Variants in DYNC2H1 observed in about 807,000 individuals in gnomAD.
DYNC2H1 encodes dynein cytoplasmic 2 heavy chain 1, also known as cytoplasmic dynein 2 heavy chain 1.
A neutral mutation model predicts 570.0 loss-of-function variants in DYNC2H1; 410 were observed. That is an observed-to-expected ratio of 0.72 (90% CI 0.66 to 0.78). The LOEUF is 0.78. DYNC2H1 is among the 30% of genes least tolerant of loss of function. The pLI, the probability that DYNC2H1 is intolerant of heterozygous loss-of-function variation, is 0.00. For synonymous variants in DYNC2H1, 1,688 were observed against 1,677.6 expected, an observed-to-expected ratio of 1.01 and a Z score of -0.15; for missense variants, 4,865 against 5,046.4, an observed-to-expected ratio of 0.96 and a Z score of 1.09.
Position 103,191,600 on chromosome 11 carries a change from T to C in DYNC2H1, c.7521T>C (p.Phe2507=). The stretch of plus-strand genomic sequence containing the variant: ...TTACCCAATGGGTTCTTGGCTTATT[T>C]AGATATGATTTAGAAGGAGGTGAGT... The part of the protein sequence containing the change: ...CILTQWVLGL[F]RYDLEGGSSN... The change falls in exon 46 of 89, where the codon TTT becomes TTC. Residue 2507 remains phenylalanine, a synonymous_variant. Transcript: ENST00000375735. 6.2e-7 allele frequency: 1 copy of C among 1,607,760 alleles called. No individual in the cohort carries two copies. Among genetic ancestry groups the C allele is most frequent in the Non-Finnish European group, 8.5e-7 (1 of 1,176,712 alleles).
chr11:103,371,632 G>C (rs529504914), intron 83 of DYNC2H1, among the ~76,000 whole-genome samples: 1 of 152,158 alleles, frequency 6.6e-6, no homozygotes, highest in Non-Finnish European at 1.5e-5. Context: ...AGCCTTACAG[G>C]AGAGAGTGGC....
intron 83 of DYNC2H1, among the ~76,000 whole-genome samples, chr11:103,377,716 G>A (rs1201867892): frequency 1.3e-5 from 2 of 151,958 alleles, no homozygotes; most frequent in Admixed American, 1.3e-4. Flanking sequence ...AGAATTTGAA[G>A]TTACTTTTTA....
At chr11:103,253,190 C>T in intron 65 of DYNC2H1, 95 bp from the exon 66 acceptor site, 1 of 1,287,686 alleles carries the variant, frequency 7.8e-7, no homozygotes, top group Non-Finnish European at 1.0e-6. Context: ...GTCGAAAAGC[C>T]TATATTTAGA....
At chr11:103,274,136 A>G (rs76817195) in intron 70 of DYNC2H1, among the ~76,000 whole-genome samples, 41 of 123,052 alleles carry the variant, frequency 3.3e-4, no homozygotes, top group African/African-American at 9.9e-4. Context: ...GTGTGTGTGT[A>G]TATATATATA....
chr11:103,294,732 A>G (rs899243935), intron 75 of DYNC2H1, among the ~76,000 whole-genome samples: 1 of 151,270 alleles, frequency 6.6e-6, no homozygotes, highest in East Asian at 2.0e-4. Flanking sequence ...TGTGACCACT[A>G]CTGCTTGGCT....
At position 103,199,029 on chromosome 11, in the gene DYNC2H1, G is replaced by C. The variant is rs1245454441; in HGVS notation, c.7840-199G>C. ...ACGGACCCTTGAACTTGTTTGACATGAGTTTTTCCTTAGAGAATGCCAATA... is the reference window on the plus strand; with the variant it reads ...ACGGACCCTTGAACTTGTTTGACATCAGTTTTTCCTTAGAGAATGCCAATA... On this transcript the variant is annotated intron_variant, in intron 48 of 88. Coordinates refer to ENST00000375735, the MANE Select transcript of DYNC2H1 (RefSeq NM_001377.3). The surrounding 1 kb of genome is among the most constrained non-coding windows in gnomAD (Gnocchi z 4.6). Among the ~76,000 whole-genome samples, 1 of 152,134 alleles carries C rather than the reference G, an allele frequency of 6.6e-6. No homozygotes were observed. Among genetic ancestry groups the C allele is most frequent in the African/African-American group, 2.4e-5 (1 of 41,430 alleles).
At chr11:103,191,345 T>C (rs1862304394) in intron 45 of DYNC2H1, among the ~76,000 whole-genome samples, 172 bp from the exon 46 acceptor site, 1 of 152,132 alleles carries the variant, frequency 6.6e-6, no homozygotes, top group African/African-American at 2.4e-5. Flanking sequence ...GACCAGAATG[T>C]TTTTAAGTGC....
intron 83 of DYNC2H1, among the ~76,000 whole-genome samples, chr11:103,359,789 C>G (rs138157754): frequency 6.6e-6 from 1 of 151,798 alleles, no homozygotes; most frequent in African/African-American, 2.4e-5. Context: ...CTCAGCCACC[C>G]GAGTAGCTGG....
chr11:103,307,939 A>G (rs1315805915), intron 78 of DYNC2H1, 108 bp downstream of exon 78: 4 of 494,240 alleles, frequency 8.1e-6, no homozygotes, highest in Non-Finnish European at 1.4e-5. Context: ...ACTTCTTTTT[A>G]CATTTAGATG....
rs1944046167 is a variant in DYNC2H1 at position 103,435,974 on chromosome 11, G to T, written c.12398G>T (p.Gly4133Val). The change falls in exon 85 of 89, where the codon GGC (glycine) becomes GTC (valine). Residue 4133 changes from glycine (G) to valine (V), a missense_variant. Transcript: ENST00000375735. The stretch of plus-strand genomic sequence containing the variant: ...CTCGCATGGCAGAGCAAGTGGGAAG[G>T]CCCAGAAGATCCCTTACAATACCTG... ...CPLAWQSKWE[G>V]PEDPLQYLRG... The T allele has an allele frequency of 6.2e-7, 1 of 1,612,618 alleles. No individual in the cohort carries two copies. Among genetic ancestry groups the T allele is most frequent in the South Asian group, 1.1e-5 (1 of 91,040 alleles).
At chr11:103,346,419 T>A (rs1363263910) in intron 82 of DYNC2H1, among the ~76,000 whole-genome samples, 9 of 152,188 alleles carry the variant, frequency 5.9e-5, no homozygotes. Context: ...AGATAATGTA[T>A]TTGTACTTTT....
At chr11:103,462,305 AT>A (rs112665738) in intron 87 of DYNC2H1, among the ~76,000 whole-genome samples, 24,749 of 151,370 alleles carry the variant, frequency 0.16, 2,183 homozygotes, top group Admixed American at 0.25. Flanking sequence ...AATTACATTG[AT>A]TTTTTTTTGT....
At chr11:103,342,212 A>G (rs951416568) in intron 82 of DYNC2H1, among the ~76,000 whole-genome samples, 7 of 152,234 alleles carry the variant, frequency 4.6e-5, no homozygotes, top group Admixed American at 2.6e-4. Flanking sequence ...AAGGGTACCA[A>G]TTGGCACTCT....
At chr11:103,148,442 T>C (rs1488102840) in intron 19 of DYNC2H1, 48 bp from the exon 20 acceptor site, 2 of 1,524,432 alleles carry the variant, frequency 1.3e-6, no homozygotes, top group African/African-American at 2.8e-5. Flanking sequence ...ACTTAGTATT[T>C]TTGATGGTAA....
chr11:103,156,656 A>G lies in DYNC2H1; in HGVS notation c.4013A>G (p.Tyr1338Cys), dbSNP rs1860841196. ...WERKLAELDE[Y>C]LQNLNHIQRK... ...AGAAAACTTGCAGAGTTAGATGAAT[A>G]CCTGCAGAATTTAAATCATATTCAG... is the stretch of plus-strand genomic sequence containing the variant. The change falls in exon 26 of 89, where the codon TAC becomes TGC. Residue 1338 changes from tyrosine (Y) to cysteine (C), a missense_variant. This residue lies in a region of DYNC2H1 where 1,936 missense variants were observed against 1,962.1 expected (regional missense o/e 0.99). Coordinates refer to ENST00000375735, the MANE Select transcript of DYNC2H1 (RefSeq NM_001377.3). The G allele has an allele frequency of 2.5e-6, 4 of 1,613,460 alleles. No homozygotes were observed. The highest frequency in any genetic ancestry group is 3.3e-4 in the Middle Eastern group (2 of 6,058).
chr11:103,255,764 A>G (rs1468933466), intron 67 of DYNC2H1, among the ~76,000 whole-genome samples: 4 of 152,068 alleles, frequency 2.6e-5, no homozygotes, highest in Non-Finnish European at 5.9e-5. Flanking sequence ...GTATTGTTTT[A>G]TTATTTAATT....
intron 55 of DYNC2H1, 50 bp from the exon 56 acceptor site, chr11:103,219,865 A>T: frequency 9.5e-7 from 1 of 1,050,576 alleles, no homozygotes; most frequent in Non-Finnish European, 1.4e-6. Flanking sequence ...TCATGCTTTT[A>T]AATATCAAGC....
At chr11:103,404,296 C>T (rs908395595) in intron 84 of DYNC2H1, 2 of 151,368 alleles carry the variant, frequency 1.3e-5, no homozygotes, top group Non-Finnish European at 2.9e-5. Flanking sequence ...GGTTCGATTC[C>T]TTCCTTTTTG....
intron 59 of DYNC2H1, among the ~76,000 whole-genome samples, chr11:103,223,767 G>A (rs1477374006): frequency 8.5e-6 from 1 of 117,320 alleles, no homozygotes; most frequent in African/African-American, 3.5e-5. Context: ...TTTTTTTTTT[G>A]AGACAGAGTC....
Sources: gnomAD v4.1 joint callset for allele counts (sites outside exome capture counted in the v4.1 genomes callset) on GRCh38, gnomAD v4.1.1 for gene constraint, gnomAD v4.1.1 regional missense constraint, Gnocchi (gnomAD v3.1) non-coding constraint, MANE v1.5 for transcripts, NCBI Gene and HGNC (gene_info 2026-07-23, HGNC 2026-07-21) for gene names.